Variants in DDI2 observed in about 807,000 individuals in gnomAD.
DDI2 encodes the protein protein DDI1 homolog 2.
A neutral mutation model predicts 48.1 loss-of-function variants in DDI2; 5 were observed. The observed-to-expected ratio is 0.10, with a 90% CI of 0.05 to 0.22. The LOEUF is 0.22. Ranked by LOEUF, DDI2 falls within the 10% of genes least tolerant of loss-of-function variation. The pLI, the probability that DDI2 is intolerant of heterozygous loss-of-function variation, is 1.00. For synonymous variants in DDI2, 205 were observed against 183.6 expected (o/e 1.12, Z -0.94); for missense variants, 285 against 506.2 (o/e 0.56, Z 4.19).
intron 8 of DDI2, 108 bp from the exon 9 acceptor site, chr1:15,656,509 C>T: frequency 6.2e-7 from 1 of 1,605,836 alleles, no homozygotes; most frequent in South Asian, 1.1e-5. Context: ...TTGGAATCTA[C>T]CAGTTCCTGA....
intron 9 of DDI2, among the ~76,000 whole-genome samples, chr1:15,659,237 C>T (rs1640319425): frequency 6.6e-6 from 1 of 152,182 alleles, no homozygotes; most frequent in Non-Finnish European, 1.5e-5. Flanking sequence ...CCCTCTCTGT[C>T]CAGGTATACC....
chr1:15,659,097 A>G (rs778564789), intron 9 of DDI2, among the ~76,000 whole-genome samples: 8 of 152,142 alleles, frequency 5.3e-5, no homozygotes, highest in Non-Finnish European at 1.0e-4. Flanking sequence ...TCATTAGTTT[A>G]CTTTTGTTTT....
At chr1:15,646,813 C>T (rs1017352276) in intron 6 of DDI2, among the ~76,000 whole-genome samples, 11 of 152,000 alleles carry the variant, frequency 7.2e-5, no homozygotes, top group Non-Finnish European at 1.6e-4. Flanking sequence ...TTTTTGTTTT[C>T]TTCTTCCATT....
intron 6 of DDI2, among the ~76,000 whole-genome samples, chr1:15,644,589 T>TG: frequency 8.8e-6 from 1 of 113,790 alleles, no homozygotes; most frequent in South Asian, 2.8e-4. Context: ...TTTTTTTTGT[T>TG]TTTTTTTTTT....
intron 5 of DDI2, among the ~76,000 whole-genome samples, chr1:15,639,660 C>G (rs548666944): frequency 6.6e-6 from 1 of 152,082 alleles, no homozygotes; most frequent in East Asian, 1.9e-4. Flanking sequence ...GACAGGGTTC[C>G]CCTGTATTGT....
intron 8 of DDI2, among the ~76,000 whole-genome samples, chr1:15,652,448 G>A (rs1481351620): frequency 2.2e-4 from 7 of 31,184 alleles, no homozygotes; most frequent in African/African-American, 1.5e-3. Flanking sequence ...GGAGGCTCCG[G>A]AGGGGGGGGG....
intron 1 of DDI2, among the ~76,000 whole-genome samples, chr1:15,624,204 T>C (rs1229893610): frequency 3.3e-5 from 5 of 152,346 alleles, no homozygotes; most frequent in East Asian, 1.9e-4. Flanking sequence ...GATGCTATGC[T>C]GTAAGAGCCT....
rs1320645812 is a variant in DDI2 at position 15,659,945 on chromosome 1, CTA to C, written c.*157_*158del. On this transcript the variant is annotated 3_prime_UTR_variant, in exon 10 of 10. Transcript: ENST00000480945. ...GGACAGAGTCCTGATGTTGGTAATC[CTA>C]TGAGTCTTGCTCGCTCTGTCTCTGC... 3.1e-6 allele frequency: 5 copies of C among 1,613,922 alleles called. No homozygotes were observed. Among genetic ancestry groups the C allele is most frequent in the East Asian group, 4.5e-5 (2 of 44,882 alleles).
At chr1:15,630,599 G>A (rs1639827842) in intron 3 of DDI2, 38 bp downstream of exon 3, 2 of 1,423,010 alleles carry the variant, frequency 1.4e-6, no homozygotes, top group Non-Finnish European at 9.9e-7. Context: ...AGGCTGGCCT[G>A]AGGTGAAGAA....
chr1:15,634,539 CT>C (rs370728497), intron 4 of DDI2, among the ~76,000 whole-genome samples: 34 of 100,064 alleles, frequency 3.4e-4, no homozygotes, highest in Admixed American at 6.5e-4. Context: ...TTCTTTTTAT[CT>C]TTTTTTTTTT....
Position 15,661,263 on chromosome 1 carries a change from A to G in DDI2, c.*1473A>G, listed in dbSNP as rs1176197222. On this transcript the variant is annotated 3_prime_UTR_variant, in exon 10 of 10. Coordinates refer to ENST00000480945, the MANE Select transcript of DDI2 (RefSeq NM_032341.5). Reference sequence around the variant, plus strand: ...AGGAAGGTGTCCCCAAATCTAGGGAATCCATAAATAAGAACCGTTCTGTCA... The same window carrying G: ...AGGAAGGTGTCCCCAAATCTAGGGAGTCCATAAATAAGAACCGTTCTGTCA... The G allele has an allele frequency of 1.2e-6, 2 of 1,614,184 alleles. No homozygotes were observed. Among genetic ancestry groups the G allele is most frequent in the African/African-American group, 2.7e-5 (2 of 75,062 alleles).
At chr1:15,639,548 C>T (rs1639976222) in intron 5 of DDI2, among the ~76,000 whole-genome samples, 1 of 152,186 alleles carries the variant, frequency 6.6e-6, no homozygotes, top group Non-Finnish European at 1.5e-5. Context: ...ACTTCAGCCT[C>T]CAACTCCTGG....
intron 1 of DDI2, among the ~76,000 whole-genome samples, chr1:15,619,744 C>T (rs191315306): frequency 1.2e-4 from 18 of 152,218 alleles, no homozygotes; most frequent in Admixed American, 3.9e-4. Flanking sequence ...CCACCGCACC[C>T]GGCCCGATAG....
At chr1:15,633,026 A>AT (rs1639871238) in intron 3 of DDI2, among the ~76,000 whole-genome samples, 1 of 145,624 alleles carries the variant, frequency 6.9e-6, no homozygotes, top group Non-Finnish European at 1.5e-5. Context: ...GGCTCAGGCC[A>AT]TCCCCCCACC....
Position 15,663,673 on chromosome 1 carries a change from A to C in DDI2, c.*3883A>C, listed in dbSNP as rs1452833945. 4 of 152,198 alleles carry C rather than the reference A, an allele frequency of 2.6e-5. No homozygotes were observed. The highest frequency in any genetic ancestry group is 4.4e-5 in the Non-Finnish European group (3 of 68,036). 9.4% of individuals were successfully genotyped at this position (152,198 alleles called of 1,614,324 possible). A position where few individuals can be genotyped will look rare whatever the true frequency, so the allele number is the denominator to read the frequency against. The stretch of plus-strand genomic sequence containing the variant: ...CTGACTTAAAGCTGTGATTGTAATT[A>C]AATAGTTGGTGCTATGATTGATGCA... On this transcript the variant is annotated 3_prime_UTR_variant, in exon 10 of 10. Transcript: ENST00000480945.
intron 2 of DDI2, among the ~76,000 whole-genome samples, chr1:15,627,345 G>A (rs1639774156): frequency 6.6e-6 from 1 of 152,192 alleles, no homozygotes; most frequent in Admixed American, 6.5e-5. Context: ...TAGCTATTAA[G>A]TGAGGGCACA....
intron 4 of DDI2, among the ~76,000 whole-genome samples, chr1:15,635,698 C>T (rs1639917778): frequency 6.6e-6 from 1 of 152,176 alleles, no homozygotes; most frequent in Admixed American, 6.5e-5. Context: ...AGCCACTGCG[C>T]CTGGCCACAT....
intron 1 of DDI2, among the ~76,000 whole-genome samples, chr1:15,625,815 C>T (rs553670285): frequency 6.6e-6 from 1 of 152,344 alleles, no homozygotes; most frequent in Admixed American, 6.5e-5. Flanking sequence ...GACGGAGTTT[C>T]ACCATGTTGG....
Position 15,660,754 on chromosome 1 carries a change from C to T in DDI2, c.*964C>T, listed in dbSNP as rs757602095. ...GGAAGTAGAAACATCAAAATGTAACCCTTCATCTGAAATTTTGAATGATTC... is the reference window on the plus strand; with the variant it reads ...GGAAGTAGAAACATCAAAATGTAACTCTTCATCTGAAATTTTGAATGATTC... On this transcript the variant is annotated 3_prime_UTR_variant, in exon 10 of 10. Coordinates refer to ENST00000480945, the MANE Select transcript of DDI2 (RefSeq NM_032341.5). The T allele has an allele frequency of 6.2e-7, 1 of 1,613,598 alleles. No individual in the cohort carries two copies. Among genetic ancestry groups the T allele is most frequent in the South Asian group, 1.1e-5 (1 of 90,862 alleles).
Sources: gnomAD v4.1 joint callset for allele counts (sites outside exome capture counted in the v4.1 genomes callset) on GRCh38, gnomAD v4.1.1 for gene constraint, MANE v1.5 for transcripts, NCBI Gene and HGNC (gene_info 2026-07-23, HGNC 2026-07-21) for gene names.